Variants in CCNJL observed in about 807,000 individuals in gnomAD.
CCNJL encodes cyclin-J-like protein.
A neutral mutation model predicts 33.4 loss-of-function variants in CCNJL; 33 were observed. That is an observed-to-expected ratio of 0.99 (90% CI 0.75 to 1.32). The LOEUF is 1.32. CCNJL is among the 40% of genes most tolerant of loss of function. The pLI, the probability that CCNJL is intolerant of heterozygous loss-of-function variation, is 0.00. For missense variants in CCNJL, 512 were observed against 499.7 expected (o/e 1.02, Z -0.23); for synonymous variants, 227 against 220.9 (o/e 1.03, Z -0.24).
intron 3 of CCNJL, among the ~76,000 whole-genome samples, chr5:160,262,950 C>T (rs1209560878): frequency 6.6e-6 from 1 of 152,214 alleles, no homozygotes; most frequent in East Asian, 1.9e-4. Flanking sequence ...TAGAAGACTT[C>T]AGGCGAGTCC....
chr5:160,275,140 AGTGGTG>A (rs1761967244), intron 3 of CCNJL, among the ~76,000 whole-genome samples: 1 of 147,098 alleles, frequency 6.8e-6, no homozygotes, highest in East Asian at 2.0e-4. Context: ...GCTGGGGTGC[AGTGGTG>A]CAATCTTGGC....
intron 4 of CCNJL, chr5:160,258,521 A>G (rs1761171995): frequency 6.6e-7 from 1 of 1,506,840 alleles, no homozygotes; most frequent in South Asian, 1.1e-5. Flanking sequence ...GAAAATTTCT[A>G]CCTTGAACCG....
intron 1 of CCNJL, among the ~76,000 whole-genome samples, chr5:160,327,620 G>A (rs1162045861): frequency 6.6e-6 from 1 of 152,228 alleles, no homozygotes; most frequent in Non-Finnish European, 1.5e-5. Flanking sequence ...GCCAGGAGTT[G>A]GCGATAGAGG....
chr5:160,311,367 G>A (rs950348573), intron 2 of CCNJL, among the ~76,000 whole-genome samples: 5 of 151,932 alleles, frequency 3.3e-5, no homozygotes, highest in Admixed American at 6.6e-5. Context: ...TGTATTCCCT[G>A]TACTACCACT....
At chr5:160,305,925 G>C (rs1318258546) in intron 2 of CCNJL, among the ~76,000 whole-genome samples, 1 of 152,180 alleles carries the variant, frequency 6.6e-6, no homozygotes, top group Non-Finnish European at 1.5e-5. Context: ...TCATGTTTTG[G>C]AAGATCTTTG....
rs551185443 is a variant in CCNJL at position 160,298,614 on chromosome 5, G to C, written c.66+13244C>G. On this transcript the variant is annotated intron_variant, in intron 2 of 5. Coordinates refer to ENST00000257536, the MANE Select transcript of CCNJL (RefSeq NM_001308173.3). ...ATTACAAATTGTGCTAAGTGCTTAA[G>C]GAATCACCAAGGGTGCTCTGAGAAC... Among the ~76,000 whole-genome samples, 10 of 152,306 alleles carry C rather than the reference G, an allele frequency of 6.6e-5. No homozygotes were observed. The East Asian group carries it at 9.7e-4, about 15-fold the overall frequency.
intron 4 of CCNJL, among the ~76,000 whole-genome samples, chr5:160,258,834 C>G (rs1761191314): frequency 6.6e-6 from 1 of 152,152 alleles, no homozygotes; most frequent in Non-Finnish European, 1.5e-5. Context: ...ATAGCTGGGA[C>G]TACAGGCATG....
In CCNJL at chr5:160,252,804, A is replaced by C. The variant is rs1475026303; in HGVS notation, c.*574T>G. 1 of 152,850 alleles carries C rather than the reference A, an allele frequency of 6.5e-6. No homozygotes were observed. Among genetic ancestry groups the C allele is most frequent in the African/African-American group, 2.4e-5 (1 of 41,464 alleles). 9.5% of individuals were successfully genotyped at this position (152,850 alleles called of 1,614,324 possible). A position where few individuals can be genotyped will look rare whatever the true frequency, so the allele number is the denominator to read the frequency against. ...AGCACATGACATATCTAAAAGGCTG[A>C]AAATGGTTTTAGGTTCGAAAACAAA... On this transcript the variant is annotated 3_prime_UTR_variant, in exon 6 of 6. Coordinates refer to ENST00000257536, the MANE Select transcript of CCNJL (RefSeq NM_001308173.3).
intron 2 of CCNJL, chr5:160,281,497 C>G (rs946177880): frequency 2.0e-5 from 3 of 152,540 alleles, no homozygotes; most frequent in Non-Finnish European, 2.9e-5. Context: ...AATATATATA[C>G]TGCCACATTA....
chr5:160,249,947 A>G lies in CCNJL; in HGVS notation c.*3431T>C, dbSNP rs1478173153. On this transcript the variant is annotated 3_prime_UTR_variant, in exon 6 of 6. Coordinates refer to ENST00000257536, the MANE Select transcript of CCNJL (RefSeq NM_001308173.3). ...GATTCCAGGTCCCCACCCCTCCTAG[A>G]GAAGGCTCCAGGTCATTCTGCAGCT... is the stretch of plus-strand genomic sequence containing the variant. 6.6e-6 allele frequency: 1 copy of G among 152,148 alleles called. No homozygotes were observed. Among genetic ancestry groups the G allele is most frequent in the Non-Finnish European group, 1.5e-5 (1 of 68,024 alleles). The allele number at this position is 152,148 out of a possible 1,614,324, so 9.4% of individuals were successfully genotyped here.
At chr5:160,281,554 A>T (rs1762215053) in intron 2 of CCNJL, among the ~76,000 whole-genome samples, 1 of 152,236 alleles carries the variant, frequency 6.6e-6, no homozygotes, top group East Asian at 1.9e-4. Flanking sequence ...AAAGATATCA[A>T]ACCAACAAAG....
exon 1 of CCNJL, chr5:160,339,558 T>C: frequency 2.2e-6 from 1 of 447,004 alleles, no homozygotes; most frequent in Non-Finnish European, 4.5e-6. Context: ...CAGTTATCCA[T>C]TAGTGCTGAC....
At chr5:160,267,668 T>C (rs1393379386) in intron 3 of CCNJL, among the ~76,000 whole-genome samples, 1 of 152,176 alleles carries the variant, frequency 6.6e-6, no homozygotes, top group Non-Finnish European at 1.5e-5. Flanking sequence ...AGTTTCAGCT[T>C]CACCCCATCT....
chr5:160,322,973 G>A (rs909278413), intron 1 of CCNJL, among the ~76,000 whole-genome samples: 3 of 149,066 alleles, frequency 2.0e-5, no homozygotes, highest in African/African-American at 7.4e-5. Context: ...GGTGGCTCAC[G>A]ACTGTAATCC....
At chr5:160,283,712 T>C (rs1762318471) in intron 2 of CCNJL, among the ~76,000 whole-genome samples, 2 of 152,204 alleles carry the variant, frequency 1.3e-5, no homozygotes, top group Non-Finnish European at 2.9e-5. Flanking sequence ...ATAGTATGTC[T>C]TATTCATTCT....
chr5:160,254,427 C>T (rs922287830), intron 5 of CCNJL: 15 of 542,640 alleles, frequency 2.8e-5, no homozygotes, highest in South Asian at 5.2e-5. Context: ...AGGCATGCAC[C>T]GACACTCAGA....
intron 1 of CCNJL, among the ~76,000 whole-genome samples, chr5:160,329,193 C>G (rs545042283): frequency 6.8e-4 from 104 of 152,156 alleles, no homozygotes; most frequent in African/African-American, 2.4e-3. Context: ...ATACTAGGCC[C>G]CAGCAGACCA....
In CCNJL at chr5:160,303,146, T is replaced by C. The variant is rs559300138; in HGVS notation, c.66+8712A>G. Among the ~76,000 whole-genome samples the C allele has an allele frequency of 3.6e-4, 55 of 152,352 alleles. 1 individual carries two copies. In the South Asian group the frequency reaches 0.011, roughly 31 times the overall value. ...TCAGGAATTGGGTGGAGAAGAATGA[T>C]ATGGAAAAATGTATATGGGAAATAG... On this transcript the variant is annotated intron_variant, in intron 2 of 5. Transcript: ENST00000257536.
intron 2 of CCNJL, among the ~76,000 whole-genome samples, chr5:160,297,552 C>T (rs774017045): frequency 6.6e-6 from 1 of 151,082 alleles, no homozygotes; most frequent in Non-Finnish European, 1.5e-5. Context: ...CAGTGGTTCA[C>T]GCCTGTAAGC....
Sources: gnomAD v4.1 joint callset for allele counts (sites outside exome capture counted in the v4.1 genomes callset) on GRCh38, gnomAD v4.1.1 for gene constraint, MANE v1.5 for transcripts, NCBI Gene and HGNC (gene_info 2026-07-23, HGNC 2026-07-21) for gene names.